The following ARHGAP24 variants were observed in gnomAD, a reference collection of about 807,000 sequenced individuals.
ARHGAP24 encodes the protein Rho GTPase activating protein 24, also known as rho GTPase-activating protein 24.
A neutral mutation model predicts 76.4 loss-of-function variants in ARHGAP24; 50 were observed. That is an observed-to-expected ratio of 0.65 (90% CI 0.52 to 0.83). The LOEUF (loss-of-function observed/expected upper bound fraction) is 0.83. Ranked by LOEUF, ARHGAP24 falls within the 40% of genes least tolerant of loss-of-function variation. The probability of loss-of-function intolerance (pLI) is 0.00; values close to 1 mark genes in which losing one functional copy is unlikely to be tolerated. For missense variants in ARHGAP24, 930 were observed against 914.2 expected, an observed-to-expected ratio of 1.02 and a Z score of -0.22; for synonymous variants, 345 against 323.3, an observed-to-expected ratio of 1.07 and a Z score of -0.72.
intron 1 of ARHGAP24, among the ~76,000 whole-genome samples, chr4:85,563,773 G>T (rs1726692327): frequency 6.6e-6 from 1 of 152,222 alleles, no homozygotes; most frequent in Non-Finnish European, 1.5e-5. Flanking sequence ...GAGAGATTTG[G>T]TAGGATTCAA....
At chr4:85,975,886 A>G (rs1215924955) in intron 7 of ARHGAP24, 1 of 152,208 alleles carries the variant, frequency 6.6e-6, no homozygotes. Flanking sequence ...AGTGTAACTG[A>G]GTAGAAATTC....
rs759353752 is a variant in ARHGAP24 at position 85,930,930 on chromosome 4, G to A, written c.391+7160G>A. ...CGGGTTCAGAACTTCAGGCCTGTAC[G>A]ATGCCTGAAGACCGGAATTCTGGGG... On this transcript the variant is annotated intron_variant, in intron 4 of 9. Coordinates refer to ENST00000395184, the MANE Select transcript of ARHGAP24 (RefSeq NM_001025616.3). 9 of 1,613,822 alleles carry A rather than the reference G, an allele frequency of 5.6e-6. No individual in the cohort carries two copies. The highest frequency in any genetic ancestry group is 5.1e-6 in the Non-Finnish European group (6 of 1,179,930).
At chr4:85,839,598 G>A (rs1323337486) in intron 3 of ARHGAP24, among the ~76,000 whole-genome samples, 5 of 151,796 alleles carry the variant, frequency 3.3e-5, no homozygotes, top group Admixed American at 1.3e-4. Context: ...CTACAGGCAC[G>A]TGCCACCACG....
At chr4:85,807,256 C>T (rs991289419) in intron 3 of ARHGAP24, among the ~76,000 whole-genome samples, 1 of 152,084 alleles carries the variant, frequency 6.6e-6, no homozygotes, top group Admixed American at 6.5e-5. Context: ...CCATCCCTCC[C>T]CTAACCTCCC....
intron 1 of ARHGAP24, among the ~76,000 whole-genome samples, chr4:85,559,009 AT>A (rs1726495245): frequency 1.1e-5 from 1 of 88,330 alleles, no homozygotes; most frequent in South Asian, 6.3e-4. Context: ...GAAAGCTTTC[AT>A]CTTAGCTTAA....
chr4:85,873,329 T>C (rs1560686933), intron 3 of ARHGAP24, among the ~76,000 whole-genome samples: 1 of 152,256 alleles, frequency 6.6e-6, no homozygotes, highest in South Asian at 2.1e-4. Context: ...TGACACATTA[T>C]GGCCGCTTGA....
rs149024248 is a variant in ARHGAP24, at chr4:85,995,369, G to A, written c.1715G>A (p.Arg572His). The change falls in exon 9 of 10, where the codon CGC becomes CAC. Residue 572 changes from arginine (R) to histidine (H), a missense_variant. Transcript: ENST00000395184. ...ISLPENSNSCRSSTTTCPEQD... is the reference protein window; with the variant it reads ...ISLPENSNSCHSSTTTCPEQD... ...CTCCCTGAGAACTCCAACTCCTGTC[G>A]CTCTTCTACCACCACCTGCCCAGAG... 9.5e-5 allele frequency: 154 copies of A among 1,613,922 alleles called. No homozygotes were observed. The highest frequency in any genetic ancestry group is 9.2e-4 in the South Asian group (84 of 91,068).
At chr4:85,861,618 T>C (rs886520593) in intron 3 of ARHGAP24, among the ~76,000 whole-genome samples, 27 of 152,122 alleles carry the variant, frequency 1.8e-4, no homozygotes, top group Admixed American at 5.3e-4. Flanking sequence ...AATGACATGT[T>C]CACCTCATTA....
intron 2 of ARHGAP24, among the ~76,000 whole-genome samples, chr4:85,578,204 T>G (rs754487528): frequency 6.6e-5 from 10 of 152,208 alleles, no homozygotes; most frequent in Non-Finnish European, 1.5e-4. Flanking sequence ...TATTATTATC[T>G]AGTCCCTGGA....
intron 3 of ARHGAP24, among the ~76,000 whole-genome samples, chr4:85,916,731 C>G (rs1034437641): frequency 6.6e-6 from 1 of 152,154 alleles, no homozygotes; most frequent in African/African-American, 2.4e-5. Flanking sequence ...GAAATGTCCT[C>G]AGTTCTCTAC....
chr4:85,993,811 C>G (rs1466065926), intron 8 of ARHGAP24, among the ~76,000 whole-genome samples: 1 of 152,176 alleles, frequency 6.6e-6, no homozygotes, highest in Non-Finnish European at 1.5e-5. Flanking sequence ...TAAAACGCCA[C>G]AGACCTTGCT....
At chr4:85,740,414 G>C (rs1184431512) in intron 3 of ARHGAP24, among the ~76,000 whole-genome samples, 2 of 151,758 alleles carry the variant, frequency 1.3e-5, no homozygotes, top group South Asian at 2.1e-4. Flanking sequence ...GTAGGGACAG[G>C]GTTTCACCAT....
chr4:85,642,409 A>G (rs1721555714), intron 2 of ARHGAP24, among the ~76,000 whole-genome samples: 1 of 152,116 alleles, frequency 6.6e-6, no homozygotes, highest in Non-Finnish European at 1.5e-5. Flanking sequence ...AACTTCTTTC[A>G]ATAGTCTACT....
intron 2 of ARHGAP24, among the ~76,000 whole-genome samples, chr4:85,649,722 T>G (rs773231611): frequency 1.4e-4 from 19 of 134,304 alleles, no homozygotes; most frequent in Non-Finnish European, 2.5e-4. Flanking sequence ...CATGATGGAG[T>G]CTTCATCTTT....
chr4:85,505,388 A>G (rs1341428537), intron 1 of ARHGAP24, among the ~76,000 whole-genome samples: 1 of 152,144 alleles, frequency 6.6e-6, no homozygotes, highest in Non-Finnish European at 1.5e-5. Context: ...CTTTTCACAT[A>G]GTCCCATATT....
intron 3 of ARHGAP24, among the ~76,000 whole-genome samples, chr4:85,725,877 A>G (rs971955925): frequency 6.6e-6 from 1 of 152,164 alleles, no homozygotes; most frequent in African/African-American, 2.4e-5. Flanking sequence ...TCCAGGGGTT[A>G]TCAGCTTCAG....
At chr4:85,990,333 A>G (rs1331251406) in intron 8 of ARHGAP24, 1 of 151,800 alleles carries the variant, frequency 6.6e-6, no homozygotes, top group African/African-American at 2.4e-5. Flanking sequence ...AGAATACTCA[A>G]TATTATTAAG....
chr4:85,751,449 A>G (rs1726262673), intron 3 of ARHGAP24, among the ~76,000 whole-genome samples: 1 of 152,224 alleles, frequency 6.6e-6, no homozygotes, highest in Non-Finnish European at 1.5e-5. Flanking sequence ...GGATGGCCAT[A>G]AGAAATTCTG....
At chr4:85,492,494 A>G (rs1254661947) in intron 1 of ARHGAP24, among the ~76,000 whole-genome samples, 1 of 152,194 alleles carries the variant, frequency 6.6e-6, no homozygotes, top group South Asian at 2.1e-4. Context: ...TGGATTCAAA[A>G]AAGCCTATAT....
Sources: gnomAD v4.1 joint callset for allele counts (sites outside exome capture counted in the v4.1 genomes callset) on GRCh38, gnomAD v4.1.1 for gene constraint, MANE v1.5 for transcripts, NCBI Gene and HGNC (gene_info 2026-07-23, HGNC 2026-07-21) for gene names.